The following NADK variants were observed in gnomAD, a reference collection of about 807,000 sequenced individuals.
The protein encoded by NADK is NAD kinase.
In NADK, 22 loss-of-function variants were observed where a neutral mutation model predicts 49.8. That is an observed-to-expected ratio of 0.44 (90% CI 0.32 to 0.63). The LOEUF (loss-of-function observed/expected upper bound fraction) is 0.63. NADK is among the 30% of genes least tolerant of loss of function. The pLI, the probability that NADK is intolerant of heterozygous loss-of-function variation, is 0.06. For missense variants in NADK, 438 were observed against 609.4 expected (o/e 0.72, Z 2.96); for synonymous variants, 268 against 253.7 (o/e 1.06, Z -0.54).
At chr1:1,761,877 C>T in intron 3 of NADK, 75 bp downstream of exon 3, 3 of 1,388,394 alleles carry the variant, frequency 2.2e-6, no homozygotes, top group Non-Finnish European at 3.1e-6. Flanking sequence ...CATCCCATGG[C>T]CCCCGGCACT....
chr1:1,753,943 C>T (rs532498007), intron 10 of NADK, 108 bp downstream of exon 10: 57 of 1,386,160 alleles, frequency 4.1e-5, no homozygotes, highest in African/African-American at 2.5e-4. Context: ...GACGAGGCCG[C>T]GTCTGAGGCT....
At chr1:1,773,213 C>T (rs1213246592) in intron 1 of NADK, among the ~76,000 whole-genome samples, 1 of 151,188 alleles carries the variant, frequency 6.6e-6, no homozygotes, top group African/African-American at 2.4e-5. Flanking sequence ...AATCTTGGCT[C>T]ACTGCAACAT....
At chr1:1,759,010 G>A in intron 3 of NADK, 1 of 1,408,464 alleles carries the variant, frequency 7.1e-7, no homozygotes, top group African/African-American at 1.5e-5. Flanking sequence ...GGGCGTGCAG[G>A]TGGCTCACGG....
intron 1 of NADK, among the ~76,000 whole-genome samples, chr1:1,775,483 TA>T (rs1646185874): frequency 6.6e-6 from 1 of 152,202 alleles, no homozygotes; most frequent in African/African-American, 2.4e-5. Flanking sequence ...ACACTGGCAG[TA>T]TACAAACTGA....
At chr1:1,771,054 AAATAT>A (rs1397649100) in intron 1 of NADK, among the ~76,000 whole-genome samples, 3 of 134,106 alleles carry the variant, frequency 2.2e-5, no homozygotes, top group African/African-American at 8.2e-5. Context: ...AAAAAAAAAA[AAATAT>A]ATATATATAT....
chr1:1,758,665 T>G, intron 3 of NADK: 1 of 1,371,218 alleles, frequency 7.3e-7, no homozygotes, highest in Non-Finnish European at 9.4e-7. Context: ...CTTCCTACAC[T>G]TATAAAAATC....
chr1:1,758,378 T>C, intron 3 of NADK: 1 of 1,610,310 alleles, frequency 6.2e-7, no homozygotes, highest in South Asian at 1.1e-5. Context: ...GTGCAGGCAT[T>C]ACTGGGAGGC....
intron 3 of NADK, among the ~76,000 whole-genome samples, chr1:1,760,308 C>G (rs1468323602): frequency 2.0e-5 from 3 of 152,208 alleles, no homozygotes; most frequent in African/African-American, 7.2e-5. Flanking sequence ...AAGTGCGAGT[C>G]ACTTCCATCC....
At position 1,756,885 on chromosome 1, in the gene NADK, G is replaced by A. The variant is rs758381592; in HGVS notation, c.394-277C>T. The A allele has an allele frequency of 1.5e-5, 12 of 804,732 alleles. No homozygotes were observed. The East Asian group carries it at 2.7e-4, about 18-fold the overall frequency. The allele number at this position is 804,732 out of a possible 1,614,324, so 49.8% of individuals were successfully genotyped here. A position where few individuals can be genotyped will look rare whatever the true frequency, so the allele number is the denominator to read the frequency against. ...CCGCAACCCCCACGCCTGCTCTTCT[G>A]AAGAGAAGACACAGCAGGAAGGCCC... On this transcript the variant is annotated intron_variant, in intron 4 of 11. Coordinates refer to ENST00000341426, the MANE Select transcript of NADK (RefSeq NM_023018.5).
At position 1,754,138 on chromosome 1, in the gene NADK, G is replaced by C; in HGVS notation, c.1014C>G (p.Pro338=). Residue 338 remains proline, a synonymous_variant, in exon 10 of 12, where the codon CCC becomes CCG. Coordinates refer to ENST00000341426, the MANE Select transcript of NADK (RefSeq NM_023018.5). This position sits in a 1 kb window ranked among gnomAD's most constrained non-coding sequence, Gnocchi z 4.3. ...AAAAGASMIH[P]NVPAIMITPI... ...GCGTGATCATGATGGCCGGCACGTT[G>C]GGGTGGATCATGGAGGCCCCGGCCG... 1.2e-6 allele frequency: 2 copies of C among 1,612,048 alleles called. No individual in the cohort carries two copies. Among genetic ancestry groups the C allele is most frequent in the East Asian group, 2.2e-5 (1 of 44,840 alleles).
intron 1 of NADK, among the ~76,000 whole-genome samples, chr1:1,767,367 G>C (rs1645919531): frequency 6.6e-6 from 1 of 152,240 alleles, no homozygotes; most frequent in African/African-American, 2.4e-5. Context: ...ACACCCAGAA[G>C]CTGGAGGTGA....
At position 1,754,405 on chromosome 1, in the gene NADK, A is replaced by C. The variant is rs1570499704; in HGVS notation, c.844-22T>G. 6.2e-7 allele frequency: 1 copy of C among 1,612,208 alleles called. No individual in the cohort carries two copies. The highest frequency in any genetic ancestry group is 8.5e-7 in the Non-Finnish European group (1 of 1,178,554). On this transcript the variant is annotated intron_variant, in intron 8 of 11. Coordinates refer to ENST00000341426, the MANE Select transcript of NADK (RefSeq NM_023018.5). The surrounding 1 kb of genome is among the most constrained non-coding windows in gnomAD (Gnocchi z 4.3). ...GGACCTGGAGGGGCGACAGCATTGC[A>C]CACTCAGGGCGGGGGATGCCGCACG...
intron 1 of NADK, among the ~76,000 whole-genome samples, chr1:1,776,271 C>A (rs1000335089): frequency 3.3e-5 from 5 of 152,208 alleles, no homozygotes; most frequent in African/African-American, 1.2e-4. Context: ...CTCCACTCCA[C>A]AAGAACTGCT....
chr1:1,765,152 C>G, intron 2 of NADK, 76 bp downstream of exon 2: 1 of 1,402,942 alleles, frequency 7.1e-7, no homozygotes, highest in African/African-American at 1.4e-5. Flanking sequence ...CAGGAGAATT[C>G]TTCATAATCG....
Position 1,757,162 on chromosome 1 carries a change from T to TCCCCCCCCCCCCCCGC in NADK, c.393+18_393+19insGCGGGGGGGGGGGGGG. 1.6e-6 allele frequency: 1 copy of TCCCCCCCCCCCCCCGC among 620,788 alleles called. No homozygotes were observed. The highest frequency in any genetic ancestry group is 2.6e-6 in the Non-Finnish European group (1 of 380,270). 38.5% of individuals were successfully genotyped at this position (620,788 alleles called of 1,614,324 possible). A position where few individuals can be genotyped will look rare whatever the true frequency, so the allele number is the denominator to read the frequency against. ...ACTCCATGTGCACCCCAGGCCCCCT[T>TCCCCCCCCCCCCCCGC]CCCCCCTGCCCCGCGTGCCTCCATG... On this transcript the variant is annotated intron_variant, in intron 4 of 11. Transcript: ENST00000341426.
At chr1:1,759,342 T>C in intron 3 of NADK, 1 of 1,419,678 alleles carries the variant, frequency 7.0e-7, no homozygotes, top group Non-Finnish European at 9.3e-7. Context: ...CACACGGCTG[T>C]GGGTACTGCA....
At chr1:1,777,233 A>C (rs1390901335) in intron 1 of NADK, among the ~76,000 whole-genome samples, 1 of 152,250 alleles carries the variant, frequency 6.6e-6, no homozygotes, top group Non-Finnish European at 1.5e-5. Flanking sequence ...GTCCCAGTGA[A>C]GTCACTGCTG....
At chr1:1,771,481 T>C (rs1161684168) in intron 1 of NADK, among the ~76,000 whole-genome samples, 1 of 152,158 alleles carries the variant, frequency 6.6e-6, no homozygotes, top group South Asian at 2.1e-4. Context: ...GTTCATGACT[T>C]GTTGAAAAAC....
At chr1:1,777,671 G>A (rs999600876) in intron 1 of NADK, among the ~76,000 whole-genome samples, 3 of 152,070 alleles carry the variant, frequency 2.0e-5, no homozygotes, top group Non-Finnish European at 4.4e-5. Context: ...CCAGGCCTTC[G>A]GAGCTGGGCA....
Sources: gnomAD v4.1 joint callset for allele counts (sites outside exome capture counted in the v4.1 genomes callset) on GRCh38, gnomAD v4.1.1 for gene constraint, Gnocchi (gnomAD v3.1) non-coding constraint, MANE v1.5 for transcripts, NCBI Gene and HGNC (gene_info 2026-07-23, HGNC 2026-07-21) for gene names.